The following SLBP variants were observed in gnomAD, a reference collection of about 807,000 sequenced individuals.
SLBP encodes the protein stem-loop histone mRNA binding protein.
Under a neutral mutation model 39.2 loss-of-function variants are expected in SLBP, and 29 were observed. The observed-to-expected ratio is 0.74, with a 90% CI of 0.55 to 1.01. The LOEUF is 1.01. Ranked by LOEUF, SLBP falls within the 50% of genes least tolerant of loss-of-function variation. The probability of loss-of-function intolerance (pLI) is 0.00; values close to 1 mark genes in which losing one functional copy is unlikely to be tolerated. For missense variants in SLBP, 390 were observed against 350.2 expected, an observed-to-expected ratio of 1.11 and a Z score of -0.91; for synonymous variants, 129 against 118.7, an observed-to-expected ratio of 1.09 and a Z score of -0.57.
At chr4:1,706,642 C>A (rs1716527118) in intron 2 of SLBP, among the ~76,000 whole-genome samples, 1 of 151,934 alleles carries the variant, frequency 6.6e-6, no homozygotes, top group African/African-American at 2.4e-5. Flanking sequence ...CCAGCGTCTA[C>A]CAAAATACAA....
chr4:1,699,653 T>A lies in SLBP; in HGVS notation c.390A>T (p.Thr130=). ...GTCTCCTCATTAGGACACTTTCATC[T>A]GTCTCAAAGTCAGCCGGCACAGTAG... ...SMSTVPADFE[T]DESVLMRRQK... is the part of the protein sequence containing the mutation. Residue 130 remains threonine (T), a synonymous_variant, in exon 5 of 8, where the codon ACA becomes ACT. Coordinates refer to ENST00000489418, the MANE Select transcript of SLBP (RefSeq NM_006527.4). The A allele has an allele frequency of 6.2e-7, 1 of 1,613,642 alleles. No homozygotes were observed. The highest frequency in any genetic ancestry group is 8.5e-7 in the Non-Finnish European group (1 of 1,179,514).
intron 2 of SLBP, among the ~76,000 whole-genome samples, chr4:1,704,031 G>C (rs866595658): frequency 6.6e-6 from 1 of 152,058 alleles, no homozygotes; most frequent in Non-Finnish European, 1.5e-5. Flanking sequence ...TGTCTATCCA[G>C]GGCTGTCTTA....
intron 2 of SLBP, among the ~76,000 whole-genome samples, chr4:1,710,651 T>C (rs1716718634): frequency 6.6e-6 from 1 of 152,132 alleles, no homozygotes; most frequent in Non-Finnish European, 1.5e-5. Flanking sequence ...TAGTCAATTA[T>C]GTATTCCTAG....
chr4:1,693,758 A>C lies in SLBP; in HGVS notation c.697-45T>G, dbSNP rs368537854. The stretch of plus-strand genomic sequence containing the variant: ...CTCGGTTGACATTCATCTCACCCTG[A>C]AAACAGGGGCCCCTTCCTACACCCC... On this transcript the variant is annotated intron_variant, in intron 7 of 7. Coordinates refer to ENST00000489418, the MANE Select transcript of SLBP (RefSeq NM_006527.4). 4.2e-5 allele frequency: 54 copies of C among 1,300,100 alleles called. 1 individual carries two copies. The African/African-American group carries it at 7.8e-4, about 19-fold the overall frequency. 80.5% of individuals were successfully genotyped at this position (1,300,100 alleles called of 1,614,324 possible). A position where few individuals can be genotyped will look rare whatever the true frequency, so the allele number is the denominator to read the frequency against.
intron 5 of SLBP, among the ~76,000 whole-genome samples, chr4:1,698,494 G>A (rs910282358): frequency 7.0e-6 from 1 of 143,810 alleles, no homozygotes; most frequent in African/African-American, 2.5e-5. Context: ...AAAAAAAATT[G>A]TTTTTTTTGA....
At chr4:1,702,967 C>T (rs954075198) in intron 3 of SLBP, among the ~76,000 whole-genome samples, 3 of 152,080 alleles carry the variant, frequency 2.0e-5, no homozygotes, top group African/African-American at 7.2e-5. Flanking sequence ...GATAGTTAGG[C>T]CGGGCACAGT....
At chr4:1,707,500 A>C (rs1326816442) in intron 2 of SLBP, among the ~76,000 whole-genome samples, 1 of 151,638 alleles carries the variant, frequency 6.6e-6, no homozygotes, top group Non-Finnish European at 1.5e-5. Context: ...AATAATTAAA[A>C]TTTAAAAAAT....
At chr4:1,699,507 C>T (rs1716244459) in intron 5 of SLBP, 57 bp downstream of exon 5, 4 of 1,590,016 alleles carry the variant, frequency 2.5e-6, no homozygotes, top group Non-Finnish European at 3.4e-6. Context: ...CTAAGCAACT[C>T]TTTAGAAACG....
At chr4:1,706,547 T>C (rs911967712) in intron 2 of SLBP, among the ~76,000 whole-genome samples, 3 of 152,108 alleles carry the variant, frequency 2.0e-5, no homozygotes, top group African/African-American at 7.2e-5. Context: ...GGCTCACTCC[T>C]GTAATCCTAG....
intron 6 of SLBP, 33 bp downstream of exon 6, chr4:1,696,169 G>A (rs896311410): frequency 6.5e-7 from 1 of 1,543,214 alleles, no homozygotes. Context: ...ACCAATCAGA[G>A]AATCACAGGA....
chr4:1,693,763 A>AG (rs759156867), intron 7 of SLBP, 50 bp from the exon 8 acceptor site: 2 of 1,258,176 alleles, frequency 1.6e-6, no homozygotes, highest in South Asian at 2.4e-5. Flanking sequence ...CCCTGAAAAC[A>AG]GGGGCCCCTT....
Position 1,711,427 on chromosome 4 carries a change from C to T in SLBP, c.176+447G>A, listed in dbSNP as rs901808124. Among the ~76,000 whole-genome samples, 12 of 152,296 alleles carry T rather than the reference C, an allele frequency of 7.9e-5. No individual in the cohort carries two copies. The East Asian group carries it at 2.1e-3, about 27-fold the overall frequency. ...CCCCTGCTTATTTCCTCCAGACCCT[C>T]CTCGGCCGTCCCACCCCATCAAGCC... On this transcript the variant is annotated intron_variant, in intron 2 of 7. Coordinates refer to ENST00000489418, the MANE Select transcript of SLBP (RefSeq NM_006527.4).
In SLBP at chr4:1,699,505, C is replaced by A; in HGVS notation, c.479+59G>T. On this transcript the variant is annotated intron_variant, in intron 5 of 7. Coordinates refer to ENST00000489418, the MANE Select transcript of SLBP (RefSeq NM_006527.4). ...CATTTGTACTACCCAATCTAAGCAACTCTTTAGAAACGCAATGCCACACAG... is the reference window on the plus strand; with the variant it reads ...CATTTGTACTACCCAATCTAAGCAAATCTTTAGAAACGCAATGCCACACAG... 2.5e-6 allele frequency: 4 copies of A among 1,581,416 alleles called. No homozygotes were observed. The South Asian group carries it at 4.5e-5, about 18-fold the overall frequency.
Position 1,694,808 on chromosome 4 carries a change from C to T in SLBP, c.662G>A (p.Ser221Asn). Residue 221 changes from serine to asparagine, a missense_variant, in exon 7 of 8, where the codon AGC (serine) becomes AAC (asparagine). Ser to Asn is a conservative substitution (Grantham distance 46). Transcript: ENST00000489418. ...CTGAGAGCTGGTCTGGGGCTCGGAG[C>T]TGCTTTCTGCAGATTCAAGGTCTAC... is the stretch of plus-strand genomic sequence containing the variant. ...HPVDLESAES[S>N]SEPQTSSQDD... is the part of the protein sequence containing the mutation. The T allele has an allele frequency of 6.2e-7, 1 of 1,613,824 alleles. No individual in the cohort carries two copies. The highest frequency in any genetic ancestry group is 8.5e-7 in the Non-Finnish European group (1 of 1,179,688).
intron 2 of SLBP, among the ~76,000 whole-genome samples, chr4:1,705,156 A>C (rs943585546): frequency 6.6e-6 from 1 of 152,088 alleles, no homozygotes; most frequent in African/African-American, 2.4e-5. Context: ...CGAACTCCTG[A>C]CCTCAGGTGA....
intron 6 of SLBP, 128 bp from the exon 7 acceptor site, chr4:1,694,968 G>T: frequency 1.4e-6 from 1 of 700,070 alleles, no homozygotes; most frequent in Admixed American, 2.1e-5. Context: ...GCTCCCTGAG[G>T]GGTCAGCTTT....
At position 1,693,764 on chromosome 4, in the gene SLBP, G is replaced by C. The variant is rs774934013; in HGVS notation, c.697-51C>G. ...TGACATTCATCTCACCCTGAAAACA[G>C]GGGCCCCTTCCTACACCCCACTCCT... is the stretch of plus-strand genomic sequence containing the variant. On this transcript the variant is annotated intron_variant, in intron 7 of 7. Coordinates refer to ENST00000489418, the MANE Select transcript of SLBP (RefSeq NM_006527.4). 46 of 1,253,648 alleles carry C rather than the reference G, an allele frequency of 3.7e-5. No homozygotes were observed. The Middle Eastern group carries it at 7.4e-4, about 20-fold the overall frequency. The allele number at this position is 1,253,648 out of a possible 1,614,324, so 77.7% of individuals were successfully genotyped here.
intron 5 of SLBP, among the ~76,000 whole-genome samples, chr4:1,698,516 G>C (rs1716207223): frequency 6.7e-6 from 1 of 149,528 alleles, no homozygotes; most frequent in Non-Finnish European, 1.5e-5. Context: ...ATGGAGTCTT[G>C]CTCTGTGACC....
intron 2 of SLBP, among the ~76,000 whole-genome samples, chr4:1,711,593 C>T (rs911897960): frequency 3.3e-5 from 5 of 152,256 alleles, no homozygotes; most frequent in Non-Finnish European, 7.3e-5. Context: ...TCGTCAGAGA[C>T]CCTGACCTCT....
Sources: gnomAD v4.1 joint callset for allele counts (sites outside exome capture counted in the v4.1 genomes callset) on GRCh38, gnomAD v4.1.1 for gene constraint, MANE v1.5 for transcripts, NCBI Gene and HGNC (gene_info 2026-07-23, HGNC 2026-07-21) for gene names.